Variants in PPP1R14C observed in about 807,000 individuals in gnomAD.
The protein encoded by PPP1R14C is protein phosphatase 1 regulatory inhibitor subunit 14C, also known as protein phosphatase 1 regulatory subunit 14C.
PPP1R14C carries 16 observed loss-of-function variants against 20.4 expected under a neutral mutation model. That is an observed-to-expected ratio of 0.78 (90% CI 0.53 to 1.19). PPP1R14C has a LOEUF of 1.19. Among genes scored for constraint, PPP1R14C ranks in the 50% most tolerant of loss-of-function variants. PPP1R14C has a pLI of 0.00. For missense variants in PPP1R14C, 211 were observed against 220.1 expected, an observed-to-expected ratio of 0.96 and a Z score of 0.26; for synonymous variants, 91 against 91.0, an observed-to-expected ratio of 1.00 and a Z score of 0.00.
chr6:150,176,915 G>C (rs9479844), intron 1 of PPP1R14C, among the ~76,000 whole-genome samples: 1 of 152,186 alleles, frequency 6.6e-6, no homozygotes, highest in South Asian at 2.1e-4. Context: ...AGATCACGAG[G>C]AAGGGCTAGT....
At chr6:150,191,035 G>A (rs147243081) in intron 1 of PPP1R14C, among the ~76,000 whole-genome samples, 3 of 152,018 alleles carry the variant, frequency 2.0e-5, no homozygotes, top group African/African-American at 7.2e-5. Context: ...CTACTTCTTT[G>A]CCCTTCACTC....
intron 1 of PPP1R14C, among the ~76,000 whole-genome samples, chr6:150,162,623 G>C (rs1777382907): frequency 6.6e-6 from 1 of 152,130 alleles, no homozygotes; most frequent in African/African-American, 2.4e-5. Context: ...TTCAGTTTTT[G>C]ATGATTATGA....
intron 1 of PPP1R14C, among the ~76,000 whole-genome samples, chr6:150,160,436 T>G (rs1250211756): frequency 1.3e-5 from 2 of 151,280 alleles, no homozygotes; most frequent in Non-Finnish European, 2.9e-5. Flanking sequence ...AGCTAATTTT[T>G]TTTTTTTTTT....
At chr6:150,157,833 C>T (rs1327624315) in intron 1 of PPP1R14C, among the ~76,000 whole-genome samples, 3 of 152,222 alleles carry the variant, frequency 2.0e-5, no homozygotes, top group African/African-American at 2.4e-5. Flanking sequence ...GCCCAGAGGG[C>T]GGAGTCTCTG....
chr6:150,206,698 C>A (rs76133852), intron 1 of PPP1R14C, among the ~76,000 whole-genome samples: 19,327 of 152,144 alleles, frequency 0.13, 1,349 homozygotes, highest in African/African-American at 0.15. Flanking sequence ...TGCGTCAGTG[C>A]CCCAGAAGTG....
At chr6:150,245,690 T>C (rs975939868) in intron 3 of PPP1R14C, among the ~76,000 whole-genome samples, 27 of 152,338 alleles carry the variant, frequency 1.8e-4, no homozygotes, top group Admixed American at 1.1e-3. Flanking sequence ...GTAAATGAGA[T>C]ACATTGTTAC....
intron 3 of PPP1R14C, among the ~76,000 whole-genome samples, chr6:150,220,301 A>G (rs2114915457): frequency 6.6e-6 from 1 of 152,272 alleles, no homozygotes; most frequent in East Asian, 1.9e-4. Context: ...CAGGATTTTT[A>G]GAGTTTGACC....
At chr6:150,229,175 A>G (rs1778263682) in intron 3 of PPP1R14C, among the ~76,000 whole-genome samples, 1 of 152,240 alleles carries the variant, frequency 6.6e-6, no homozygotes, top group African/African-American at 2.4e-5. Flanking sequence ...AGAGATAGTT[A>G]TAATCAAAAG....
chr6:150,222,695 AT>A (rs1311521941), intron 3 of PPP1R14C, among the ~76,000 whole-genome samples: 3 of 150,816 alleles, frequency 2.0e-5, no homozygotes, highest in Non-Finnish European at 4.4e-5. Flanking sequence ...TATCTTTGGA[AT>A]TAACCGTATA....
At chr6:150,225,789 A>G (rs1022495964) in intron 3 of PPP1R14C, among the ~76,000 whole-genome samples, 1 of 152,240 alleles carries the variant, frequency 6.6e-6, no homozygotes, top group African/African-American at 2.4e-5. Context: ...TTATGTATTA[A>G]AGCACATGAC....
intron 1 of PPP1R14C, among the ~76,000 whole-genome samples, chr6:150,198,933 C>T (rs960856927): frequency 2.0e-5 from 3 of 152,188 alleles, no homozygotes; most frequent in African/African-American, 7.2e-5. Context: ...GGAAGCACAG[C>T]ATGCACGATT....
chr6:150,181,300 G>A (rs190466885), intron 1 of PPP1R14C, among the ~76,000 whole-genome samples: 59 of 152,116 alleles, frequency 3.9e-4, no homozygotes, highest in African/African-American at 1.4e-3. Context: ...TCAGCCTCCC[G>A]AGTAGCTGGA....
At chr6:150,200,547 A>G (rs1335922415) in intron 1 of PPP1R14C, among the ~76,000 whole-genome samples, 1 of 152,048 alleles carries the variant, frequency 6.6e-6, no homozygotes, top group Non-Finnish European at 1.5e-5. Flanking sequence ...GGAGCAGGAG[A>G]CACAGTGATG....
intron 1 of PPP1R14C, chr6:150,194,790 G>T: frequency 1.0e-6 from 1 of 985,336 alleles, no homozygotes; most frequent in East Asian, 1.1e-4. Context: ...ACTGCTTGGG[G>T]GTTGATGTTT....
intron 1 of PPP1R14C, among the ~76,000 whole-genome samples, chr6:150,150,636 C>T (rs1226952097): frequency 6.6e-6 from 1 of 152,170 alleles, no homozygotes; most frequent in African/African-American, 2.4e-5. Flanking sequence ...CTTTGTAGTG[C>T]ATGCTCTTGC....
At chr6:150,167,963 CCTCTTTCTCTCCTTCTCTCCTCCCCT>C (rs1777443613) in intron 1 of PPP1R14C, among the ~76,000 whole-genome samples, 26 of 46,624 alleles carry the variant, frequency 5.6e-4, no homozygotes, top group Non-Finnish European at 1.1e-3. Flanking sequence ...TCTCTCCTCC[CCTCTTTCTCTCCTTCTCTCCTCCCCT>C]CTTCCTCTCC....
Position 150,214,644 on chromosome 6 carries a change from A to G in PPP1R14C, c.307-100A>G, listed in dbSNP as rs1778067941. 2.7e-6 allele frequency: 2 copies of G among 754,714 alleles called. No individual in the cohort carries two copies. The highest frequency in any genetic ancestry group is 3.2e-5 in the East Asian group (1 of 31,134). 46.8% of individuals were successfully genotyped at this position (754,714 alleles called of 1,614,324 possible). A position where few individuals can be genotyped will look rare whatever the true frequency, so the allele number is the denominator to read the frequency against. On this transcript the variant is annotated intron_variant, in intron 1 of 3. Transcript: ENST00000361131. ...CCTGCTTATCTGTCAGCCCTTCTCA[A>G]TTGATGATCTAGTTGTTTGTTCAAC...
intron 3 of PPP1R14C, among the ~76,000 whole-genome samples, chr6:150,219,364 G>A (rs956326968): frequency 2.6e-5 from 4 of 151,976 alleles, no homozygotes; most frequent in Non-Finnish European, 5.9e-5. Context: ...GAGTAGCTGG[G>A]ATTACTAAGC....
chr6:150,198,997 CTTCT>C (rs1052948008), intron 1 of PPP1R14C, among the ~76,000 whole-genome samples: 43 of 142,992 alleles, frequency 3.0e-4, no homozygotes, highest in Non-Finnish European at 4.3e-4. Flanking sequence ...TGGTAGGCTT[CTTCT>C]TTTTTTTTTT....
Sources: gnomAD v4.1 joint callset for allele counts (sites outside exome capture counted in the v4.1 genomes callset) on GRCh38, gnomAD v4.1.1 for gene constraint, MANE v1.5 for transcripts, NCBI Gene and HGNC (gene_info 2026-07-23, HGNC 2026-07-21) for gene names.